The following CRIM1 variants were observed in gnomAD, a reference collection of about 807,000 sequenced individuals.
The protein encoded by CRIM1 is cysteine-rich motor neuron 1 protein.
Under a neutral mutation model 116.4 loss-of-function variants are expected in CRIM1, and 32 were observed. The ratio of observed to expected loss-of-function variants is 0.27; its 90% CI spans 0.21 to 0.37. The LOEUF (loss-of-function observed/expected upper bound fraction) is 0.37. CRIM1 is among the 10% of genes least tolerant of loss of function. The pLI is 1.00. For synonymous variants in CRIM1, 590 were observed against 509.2 expected (o/e 1.16, Z -2.13); for missense variants, 1,331 against 1,354.8 (o/e 0.98, Z 0.28).
intron 1 of CRIM1, among the ~76,000 whole-genome samples, chr2:36,364,643 G>C (rs997711436): frequency 6.6e-6 from 1 of 152,128 alleles, no homozygotes; most frequent in African/African-American, 2.4e-5. Flanking sequence ...AATAGGGCTT[G>C]GGGCTAGACA....
At chr2:36,433,077 A>C (rs2124907762) in intron 2 of CRIM1, among the ~76,000 whole-genome samples, 1 of 152,278 alleles carries the variant, frequency 6.6e-6, no homozygotes, top group Admixed American at 6.5e-5. Context: ...CGAGCTCCTT[A>C]GGAGATGCCG....
rs185789132 is a variant in CRIM1 at position 36,375,254 on chromosome 2, G to A, written c.331+18631G>A. 1.8e-3 allele frequency among the ~76,000 whole-genome samples: 278 copies of A among 151,560 alleles called. 1 individual carries two copies. The highest frequency in any genetic ancestry group is 6.1e-3 in the African/African-American group (254 of 41,360). On this transcript the variant is annotated intron_variant, in intron 1 of 16. Coordinates refer to ENST00000280527, the MANE Select transcript of CRIM1 (RefSeq NM_016441.3). ...ATCCAGCAAGGGACCTACAAAATTC[G>A]AAAAAAAACTTCGGATCATTATCAG...
chr2:36,376,692 A>G (rs1670345535), intron 1 of CRIM1, among the ~76,000 whole-genome samples: 1 of 152,106 alleles, frequency 6.6e-6, no homozygotes, highest in African/African-American at 2.4e-5. Context: ...GGTGATGCTC[A>G]TTGTCTGGAT....
At chr2:36,527,694 T>C (rs956098895) in intron 13 of CRIM1, among the ~76,000 whole-genome samples, 1 of 152,268 alleles carries the variant, frequency 6.6e-6, no homozygotes, top group Admixed American at 6.5e-5. Context: ...GGAACATCTG[T>C]TGGTCATTGT....
At chr2:36,394,711 T>A (rs1671880971) in intron 1 of CRIM1, among the ~76,000 whole-genome samples, 1 of 151,904 alleles carries the variant, frequency 6.6e-6, no homozygotes, top group African/African-American at 2.4e-5. Flanking sequence ...AAACATAAAT[T>A]GTGTGTCGGT....
At chr2:36,374,379 C>CTA (rs1262375005) in intron 1 of CRIM1, among the ~76,000 whole-genome samples, 1 of 152,204 alleles carries the variant, frequency 6.6e-6, no homozygotes, top group Non-Finnish European at 1.5e-5. Flanking sequence ...GATAACTTTA[C>CTA]TAGACAGTTT....
At chr2:36,370,997 C>A (rs1402788018) in intron 1 of CRIM1, among the ~76,000 whole-genome samples, 1 of 152,148 alleles carries the variant, frequency 6.6e-6, no homozygotes, top group Non-Finnish European at 1.5e-5. Context: ...TCCAGTGTAT[C>A]TTGGACAAAG....
chr2:36,385,769 C>T (rs1671125490), intron 1 of CRIM1, among the ~76,000 whole-genome samples: 1 of 152,150 alleles, frequency 6.6e-6, no homozygotes, highest in Non-Finnish European at 1.5e-5. Flanking sequence ...CTCCTCATGT[C>T]CCCTGCTGGG....
chr2:36,475,672 A>G (rs1158309797), intron 5 of CRIM1, among the ~76,000 whole-genome samples: 2 of 152,234 alleles, frequency 1.3e-5, no homozygotes, highest in African/African-American at 4.8e-5. Flanking sequence ...TTAGGGGGAA[A>G]GCACTTGGAC....
chr2:36,534,332 AGGAG>A (rs1318059179), intron 13 of CRIM1, among the ~76,000 whole-genome samples: 8 of 112,378 alleles, frequency 7.1e-5, no homozygotes, highest in South Asian at 3.5e-4. Context: ...GAAGGAGAAA[AGGAG>A]GGAGGGAGGA....
At chr2:36,490,477 G>A (rs3770839) in intron 7 of CRIM1, among the ~76,000 whole-genome samples, 34,427 of 151,888 alleles carry the variant, frequency 0.23, 4,169 homozygotes, top group South Asian at 0.39. Flanking sequence ...TGAGAAGACG[G>A]GATGAGAAAA....
chr2:36,498,464 T>C (rs1006322308), intron 7 of CRIM1, among the ~76,000 whole-genome samples: 2 of 152,232 alleles, frequency 1.3e-5, no homozygotes, highest in African/African-American at 4.8e-5. Context: ...TTAAACCTTA[T>C]ATAAATACAT....
intron 7 of CRIM1, among the ~76,000 whole-genome samples, chr2:36,483,623 T>C (rs949393803): frequency 3.9e-5 from 6 of 152,196 alleles, no homozygotes; most frequent in Admixed American, 6.5e-5. Flanking sequence ...CAGTGCATTA[T>C]ACCCTGAAAG....
chr2:36,431,873 A>C (rs566449017), intron 2 of CRIM1, among the ~76,000 whole-genome samples: 1 of 152,352 alleles, frequency 6.6e-6, no homozygotes, highest in African/African-American at 2.4e-5. Context: ...TTTATTATGT[A>C]CTTTTTTCAA....
chr2:36,475,871 G>A (rs557303743), intron 5 of CRIM1, among the ~76,000 whole-genome samples: 7 of 152,200 alleles, frequency 4.6e-5, no homozygotes, highest in East Asian at 3.9e-4. Flanking sequence ...GTGACATATC[G>A]TATTAACATT....
chr2:36,413,255 C>CA (rs1673346336), intron 2 of CRIM1, among the ~76,000 whole-genome samples: 2 of 152,116 alleles, frequency 1.3e-5, no homozygotes, highest in Admixed American at 6.6e-5. Flanking sequence ...GAGAGGGCCA[C>CA]AAAAAACATC....
At chr2:36,486,500 C>G (rs960284832) in intron 7 of CRIM1, among the ~76,000 whole-genome samples, 4 of 152,120 alleles carry the variant, frequency 2.6e-5, no homozygotes, top group Non-Finnish European at 5.9e-5. Context: ...CCAAACTGAT[C>G]AATGCCTTAA....
intron 2 of CRIM1, among the ~76,000 whole-genome samples, chr2:36,422,962 C>G (rs1674181289): frequency 6.6e-6 from 1 of 152,128 alleles, no homozygotes; most frequent in Non-Finnish European, 1.5e-5. Flanking sequence ...TCTAAGCCTG[C>G]TTTACTTTCT....
intron 2 of CRIM1, among the ~76,000 whole-genome samples, chr2:36,422,241 T>G (rs182459196): frequency 1.6e-4 from 24 of 152,178 alleles, no homozygotes; most frequent in Non-Finnish European, 2.9e-5. Context: ...ATATTCAATA[T>G]AGTTAATGTT....
Sources: allele counts gnomAD v4.1 joint callset (sites outside exome capture counted in the v4.1 genomes callset), GRCh38; gene constraint gnomAD v4.1.1; transcripts MANE v1.5; gene names NCBI Gene and HGNC (gene_info 2026-07-23, HGNC 2026-07-21).